GLIS1: variants seen among roughly 807,000 people sequenced by gnomAD.
GLIS1 encodes the protein zinc finger protein GLIS1.
Under a neutral mutation model 63.8 loss-of-function variants are expected in GLIS1, and 24 were observed. The ratio of observed to expected loss-of-function variants is 0.38; its 90% confidence interval spans 0.27 to 0.53. The LOEUF is 0.53. GLIS1 is among the 20% of genes least tolerant of loss of function. GLIS1 has a pLI of 0.85. For synonymous variants in GLIS1, 450 were observed against 482.5 expected (o/e 0.93, Z 0.88); for missense variants, 1,036 against 1,074.1 (o/e 0.96, Z 0.50).
rs1644953167 is a variant in GLIS1, at chr1:53,568,199, G to T, written c.1320+25909C>A. ...TCAGCATGCCCTGGATGTGAGACAT[G>T]GAGTCAAAGGAGATTATTTCAGAGC... On this transcript the variant is annotated intron_variant, in intron 4 of 10. Transcript: ENST00000628545. Among the ~76,000 whole-genome samples the T allele has an allele frequency of 2.0e-5, 3 of 152,350 alleles. No individual in the cohort carries two copies. The South Asian group carries it at 6.2e-4, about 32-fold the overall frequency.
chr1:53,626,083 C>T (rs1318837526), intron 2 of GLIS1, among the ~76,000 whole-genome samples: 1 of 152,198 alleles, frequency 6.6e-6, no homozygotes, highest in Non-Finnish European at 1.5e-5. Flanking sequence ...AACCACCAGG[C>T]CCGGAGTGAG....
intron 2 of GLIS1, among the ~76,000 whole-genome samples, chr1:53,634,754 C>G (rs1645705272): frequency 6.6e-6 from 1 of 152,188 alleles, no homozygotes; most frequent in African/African-American, 2.4e-5. Flanking sequence ...GCGAGGCCAC[C>G]TCACACGTCC....
At chr1:53,727,432 G>C (rs983828992) in intron 2 of GLIS1, among the ~76,000 whole-genome samples, 2 of 152,212 alleles carry the variant, frequency 1.3e-5, no homozygotes, top group African/African-American at 4.8e-5. Context: ...TCCAACATTT[G>C]GTCTAAGGTT....
intron 4 of GLIS1, among the ~76,000 whole-genome samples, chr1:53,548,513 C>T (rs986033265): frequency 6.6e-6 from 1 of 152,228 alleles, no homozygotes; most frequent in African/African-American, 2.4e-5. Flanking sequence ...TATCCCTGCT[C>T]GCATTTCTAC....
chr1:53,666,815 CA>C (rs1646098535), intron 2 of GLIS1, among the ~76,000 whole-genome samples: 1 of 152,106 alleles, frequency 6.6e-6, no homozygotes, highest in Non-Finnish European at 1.5e-5. Context: ...GTGATGAAGT[CA>C]AACTCTGCTG....
chr1:53,733,779 A>C, intron 2 of GLIS1: 1 of 337,642 alleles, frequency 3.0e-6, no homozygotes, highest in Non-Finnish European at 4.2e-6. Flanking sequence ...TTGAAACTTC[A>C]TGCACTGAAA....
chr1:53,618,864 C>T (rs1645510010), intron 2 of GLIS1, among the ~76,000 whole-genome samples: 1 of 151,952 alleles, frequency 6.6e-6, no homozygotes, highest in Non-Finnish European at 1.5e-5. Flanking sequence ...AGGGAAAGGA[C>T]CCCCAGGCAG....
At chr1:53,540,172 C>G (rs183333021) in intron 4 of GLIS1, among the ~76,000 whole-genome samples, 13 of 152,290 alleles carry the variant, frequency 8.5e-5, no homozygotes, top group African/African-American at 3.1e-4. Context: ...GAGAGGCAGA[C>G]ATAAGACCCC....
chr1:53,589,816 C>G (rs879728419), intron 4 of GLIS1, among the ~76,000 whole-genome samples: 12 of 152,188 alleles, frequency 7.9e-5, no homozygotes, highest in Non-Finnish European at 5.9e-5. Flanking sequence ...CTCCATGCCC[C>G]CTGAGCAGAC....
At chr1:53,627,304 C>T (rs952539392) in intron 2 of GLIS1, among the ~76,000 whole-genome samples, 1 of 152,146 alleles carries the variant, frequency 6.6e-6, no homozygotes, top group Non-Finnish European at 1.5e-5. Flanking sequence ...CAGTAATTAT[C>T]CCCCTCTCCT....
At chr1:53,705,010 A>G (rs1441592183) in intron 2 of GLIS1, among the ~76,000 whole-genome samples, 1 of 152,194 alleles carries the variant, frequency 6.6e-6, no homozygotes, top group Non-Finnish European at 1.5e-5. Context: ...GAGGGAGCGC[A>G]TGAATTCACA....
chr1:53,589,513 G>A (rs754453913), intron 4 of GLIS1, among the ~76,000 whole-genome samples: 2 of 152,210 alleles, frequency 1.3e-5, no homozygotes, highest in Admixed American at 6.5e-5. Flanking sequence ...AGGCCCTCCC[G>A]GCAGGTCCAG....
Position 53,646,518 on chromosome 1 carries a change from T to C in GLIS1, c.260-46240A>G, listed in dbSNP as rs568288700. Among the ~76,000 whole-genome samples the C allele has an allele frequency of 2.7e-4, 41 of 152,094 alleles. No individual in the cohort carries two copies. The highest frequency in any genetic ancestry group is 7.7e-4 in the African/African-American group (32 of 41,492). ...ATATACAAGACCTCAACAAAGAAAA[T>C]TGCTAGACAGGCTGGACATGGTGGC... On this transcript the variant is annotated intron_variant, in intron 2 of 10. Transcript: ENST00000628545. This position sits in a 1 kb window ranked among gnomAD's most constrained non-coding sequence, Gnocchi z 4.2.
Position 53,737,837 on chromosome 1 carries a change from G to A in GLIS1, c.228C>T (p.Tyr76=), listed in dbSNP as rs1227758072. 9 of 1,231,006 alleles carry A rather than the reference G, an allele frequency of 7.3e-6. No homozygotes were observed. The highest frequency in any genetic ancestry group is 4.2e-5 in the Admixed American group (1 of 23,684). 76.3% of individuals were successfully genotyped at this position (1,231,006 alleles called of 1,614,324 possible). Reference sequence around the variant, plus strand: ...CGGCGGCGGCGGCCTTGGATGGACCGTAGTCTCGGGGACTGCGGGGCCGGA... The same window carrying A: ...CGGCGGCGGCGGCCTTGGATGGACCATAGTCTCGGGGACTGCGGGGCCGGA... The part of the protein sequence containing the change: ...DLLRPRSPRD[Y]GPSKAAAAGK... Residue 76 remains tyrosine, a synonymous_variant, in exon 2 of 11, where the codon TAC becomes TAT. Transcript: ENST00000628545.
intron 2 of GLIS1, among the ~76,000 whole-genome samples, chr1:53,685,784 C>T (rs1159366865): frequency 6.6e-6 from 1 of 152,196 alleles, no homozygotes; most frequent in Non-Finnish European, 1.5e-5. Context: ...ACCGCTACCA[C>T]GGTCTGAGGC....
intron 2 of GLIS1, among the ~76,000 whole-genome samples, chr1:53,637,418 C>A (rs1645737957): frequency 6.6e-6 from 1 of 152,158 alleles, no homozygotes. Flanking sequence ...GCAATGAGAC[C>A]AGAGAGGTCA....
chr1:53,508,670 G>T (rs1451038413), intron 10 of GLIS1, among the ~76,000 whole-genome samples: 1 of 152,162 alleles, frequency 6.6e-6, no homozygotes, highest in Non-Finnish European at 1.5e-5. Context: ...GCAACACCAG[G>T]TACCTAAGTG....
intron 4 of GLIS1, among the ~76,000 whole-genome samples, chr1:53,535,873 C>CA (rs1644576463): frequency 6.6e-6 from 1 of 152,048 alleles, no homozygotes; most frequent in African/African-American, 2.4e-5. Flanking sequence ...CTCACCCTGG[C>CA]ATTCTGGCCA....
chr1:53,506,613 G>C lies in GLIS1; in HGVS notation c.*6C>G, dbSNP rs1448226516. ...GCTGGATGGGCAGGCGCATGTGGGG[G>C]CTCCTTCAGGTGTCTGTGTAGATGG... On this transcript the variant is annotated 3_prime_UTR_variant, in exon 11 of 11. Coordinates refer to ENST00000628545, the MANE Select transcript of GLIS1 (RefSeq NM_001367484.1). 2 of 1,612,902 alleles carry C rather than the reference G, an allele frequency of 1.2e-6. No individual in the cohort carries two copies. The highest frequency in any genetic ancestry group is 1.7e-6 in the Non-Finnish European group (2 of 1,179,704).
Sources: gnomAD v4.1 joint callset for allele counts (sites outside exome capture counted in the v4.1 genomes callset) on GRCh38, gnomAD v4.1.1 for gene constraint, Gnocchi (gnomAD v3.1) non-coding constraint, MANE v1.5 for transcripts, NCBI Gene and HGNC (gene_info 2026-07-23, HGNC 2026-07-21) for gene names.